Variants in SNX19 observed in about 807,000 individuals in gnomAD.
SNX19 encodes sorting nexin-19.
SNX19 carries 60 observed loss-of-function variants against 85.2 expected under a neutral mutation model. The observed-to-expected ratio is 0.70, with a 90% CI of 0.57 to 0.87. The LOEUF (loss-of-function observed/expected upper bound fraction) is 0.87, where lower values mean the gene tolerates loss of function less well. Ranked by LOEUF, SNX19 falls within the 40% of genes least tolerant of loss-of-function variation. The pLI, the probability that SNX19 is intolerant of heterozygous loss-of-function variation, is 0.00. For synonymous variants in SNX19, 520 were observed against 470.0 expected (o/e 1.11, Z -1.38); for missense variants, 1,201 against 1,217.8 (o/e 0.99, Z 0.21).
At chr11:130,911,969 G>T (rs975557810) in intron 1 of SNX19, among the ~76,000 whole-genome samples, 198 bp from the exon 2 acceptor site, 5 of 151,704 alleles carry the variant, frequency 3.3e-5, no homozygotes, top group Non-Finnish European at 5.9e-5. Flanking sequence ...TCACTCCTCC[G>T]CACTACTACT....
intron 1 of SNX19, among the ~76,000 whole-genome samples, chr11:130,912,871 T>C (rs1946246337): frequency 6.6e-6 from 1 of 152,208 alleles, no homozygotes; most frequent in African/African-American, 2.4e-5. Flanking sequence ...TTCCATCACA[T>C]AAACCGAAAA....
chr11:130,915,252 C>T lies in SNX19; in HGVS notation c.688G>A (p.Glu230Lys). ...LQGLVPKPHLETRTGRHVVVE... is the reference protein window; with the variant it reads ...LQGLVPKPHLKTRTGRHVVVE... The stretch of plus-strand genomic sequence containing the variant: ...ACTACATGGCGTCCGGTACGAGTCT[C>T]CAAGTGGGGCTTGGGCACCAGCCCT... The change falls in exon 1 of 11, where the codon GAG becomes AAG. Residue 230 changes from glutamate to lysine, a missense_variant. By Grantham distance (56) the Glu-to-Lys change is moderately conservative (BLOSUM62 1). This residue lies in a region of SNX19 where 791 missense variants were observed against 750.9 expected (regional missense o/e 1.05). Coordinates refer to ENST00000265909, the MANE Select transcript of SNX19 (RefSeq NM_014758.3). The T allele has an allele frequency of 6.2e-7, 1 of 1,614,242 alleles. No individual in the cohort carries two copies. Among genetic ancestry groups the T allele is most frequent in the Non-Finnish European group, 8.5e-7 (1 of 1,180,054 alleles).
chr11:130,907,836 G>T, intron 5 of SNX19, 117 bp downstream of exon 5: 5 of 1,470,396 alleles, frequency 3.4e-6, no homozygotes, highest in Non-Finnish European at 4.6e-6. Flanking sequence ...CTAAAAACTG[G>T]TATGTCTGAC....
intron 7 of SNX19, 98 bp from the exon 8 acceptor site, chr11:130,903,482 T>G (rs1338341259): frequency 3.0e-6 from 4 of 1,342,012 alleles, no homozygotes; most frequent in Non-Finnish European, 2.0e-6. Flanking sequence ...TCTACCTTCA[T>G]GCCAATCATC....
Position 130,915,491 on chromosome 11 carries a change from T to C in SNX19, c.449A>G (p.Asp150Gly), listed in dbSNP as rs61736692. 9.7e-4 allele frequency: 1,558 copies of C among 1,614,086 alleles called. 15 individuals are homozygous for C. Among genetic ancestry groups the C allele is most frequent in the Middle Eastern group, 4.9e-4 (3 of 6,064 alleles). The change falls in exon 1 of 11, where the codon GAC becomes GGC. Residue 150 changes from aspartate (D) to glycine (G), a missense_variant. Asp to Gly is a moderately conservative substitution (Grantham distance 94, BLOSUM62 -1). This residue lies in a region of SNX19 where 791 missense variants were observed against 750.9 expected (regional missense o/e 1.05). Coordinates refer to ENST00000265909, the MANE Select transcript of SNX19 (RefSeq NM_014758.3). ...AACACTCTGGGCAACAGCATGACTG[T>C]CCATCACGCTCATCCTTCTCCGAAG... ...QELRRRMSVM[D>G]SHAVAQSVLT...
chr11:130,914,345 T>C lies in SNX19; in HGVS notation c.1595A>G (p.Asn532Ser), dbSNP rs1170908291. The C allele has an allele frequency of 7.4e-6, 12 of 1,613,250 alleles. No individual in the cohort carries two copies. In the Admixed American group the frequency reaches 1.7e-4, roughly 22 times the overall value. Residue 532 changes from asparagine (N) to serine (S), a missense_variant, in exon 1 of 11, where the codon AAC becomes AGC. Coordinates refer to ENST00000265909, the MANE Select transcript of SNX19 (RefSeq NM_014758.3). ...TGTAATGGTGCCAGTGATACGAAGG[T>C]TCTGGATGATAACTGGACCATCGGG... ...SSPDGPVIIQ[N>S]LRITGTITAR...
At position 130,910,348 on chromosome 11, in the gene SNX19, G is replaced by C; in HGVS notation, c.1836C>G (p.Leu612=). ...TGTTTCCCAATGGAAGATCTGGAAAGAGCTTTTTAGGACCCTTCACATCTT... is the reference window on the plus strand; with the variant it reads ...TGTTTCCCAATGGAAGATCTGGAAACAGCTTTTTAGGACCCTTCACATCTT... ...FIKNVKGPKK[L]FPDLPLGNMD... The change falls in exon 3 of 11, where the codon CTC becomes CTG. Residue 612 remains leucine, a synonymous_variant. Coordinates refer to ENST00000265909, the MANE Select transcript of SNX19 (RefSeq NM_014758.3). 1 of 1,606,984 alleles carries C rather than the reference G, an allele frequency of 6.2e-7. No homozygotes were observed. The highest frequency in any genetic ancestry group is 1.1e-5 in the South Asian group (1 of 90,274).
In SNX19 at chr11:130,868,937, G is replaced by A. The variant is rs1019915505; in HGVS notation, c.*9485C>T. The A allele has an allele frequency of 3.9e-5, 6 of 152,210 alleles. No individual in the cohort carries two copies. The highest frequency in any genetic ancestry group is 7.3e-5 in the Non-Finnish European group (5 of 68,046). The allele number at this position is 152,210 out of a possible 1,614,324, so 9.4% of individuals were successfully genotyped here. ...TCACTGCCACAAGAAGGTTGCCAACGTCATTTATGGATCAGCAACTGCTTG... is the reference window on the plus strand; with the variant it reads ...TCACTGCCACAAGAAGGTTGCCAACATCATTTATGGATCAGCAACTGCTTG... On this transcript the variant is annotated 3_prime_UTR_variant, in exon 11 of 11. Coordinates refer to ENST00000265909, the MANE Select transcript of SNX19 (RefSeq NM_014758.3).
chr11:130,885,004 C>T (rs564731323), intron 8 of SNX19, among the ~76,000 whole-genome samples: 88 of 152,168 alleles, frequency 5.8e-4, no homozygotes, highest in African/African-American at 2.1e-3. Context: ...TCAGATAGCA[C>T]TGGTTTTATT....
chr11:130,915,574 G>A lies in SNX19; in HGVS notation c.366C>T (p.Ser122=). The A allele has an allele frequency of 6.2e-7, 1 of 1,614,204 alleles. No homozygotes were observed. Among genetic ancestry groups the A allele is most frequent in the South Asian group, 1.1e-5 (1 of 91,088 alleles). Residue 122 remains serine, a synonymous_variant, in exon 1 of 11, where the codon AGC becomes AGT. Transcript: ENST00000265909. ...DFVLSWYRSV[S]QEPAFEEEME... The stretch of plus-strand genomic sequence containing the variant: ...TTTCTTCCTCAAAGGCTGGCTCCTG[G>A]CTCACGGAACGGTACCAAGATAACA...
intron 7 of SNX19, among the ~76,000 whole-genome samples, chr11:130,904,482 TG>T (rs1945501466): frequency 6.6e-6 from 1 of 152,174 alleles, no homozygotes; most frequent in African/African-American, 2.4e-5. Flanking sequence ...GGAGCTGATA[TG>T]TTGTGTGATT....
In SNX19 at chr11:130,906,064, G is replaced by GC; in HGVS notation, c.2331dup (p.Gln778AlafsTer11). On this transcript the variant is annotated frameshift_variant, in exon 7 of 11. Transcript: ENST00000265909. LOFTEE classifies it high-confidence loss of function. ...TCTTTTTCTGGGGCTTTTGTTGGCT[G>GC]CATTTCCAGTAACTTTGTCTGTTTT... 1.2e-6 allele frequency: 2 copies of GC among 1,614,164 alleles called. No individual in the cohort carries two copies. Among genetic ancestry groups the GC allele is most frequent in the Non-Finnish European group, 8.5e-7 (1 of 1,180,038 alleles).
In SNX19 at chr11:130,877,101, G is replaced by T. The variant is rs922335434; in HGVS notation, c.*1321C>A. On this transcript the variant is annotated 3_prime_UTR_variant, in exon 11 of 11. Coordinates refer to ENST00000265909, the MANE Select transcript of SNX19 (RefSeq NM_014758.3). The stretch of plus-strand genomic sequence containing the variant: ...CAGTCTAACTCCAAGACCTTCCTCC[G>T]AGTGGTAGGCTCTGGTAATTCAGCG... The T allele has an allele frequency of 1.3e-5, 2 of 152,226 alleles. No individual in the cohort carries two copies. Among genetic ancestry groups the T allele is most frequent in the East Asian group, 1.9e-4 (1 of 5,196 alleles). The allele number at this position is 152,226 out of a possible 1,614,324, so 9.4% of individuals were successfully genotyped here.
chr11:130,889,200 A>G (rs1179215783), intron 8 of SNX19, among the ~76,000 whole-genome samples: 1 of 152,070 alleles, frequency 6.6e-6, no homozygotes, highest in Non-Finnish European at 1.5e-5. Context: ...TTCTATTACT[A>G]CTATTTTTGC....
chr11:130,895,241 G>T (rs1944798245), intron 8 of SNX19: 1 of 985,298 alleles, frequency 1.0e-6, no homozygotes, highest in African/African-American at 1.7e-5. Flanking sequence ...ATGGCTCTGG[G>T]AATCAGAATT....
rs1364689703 is a variant in SNX19, at chr11:130,872,226, G to A, written c.*6196C>T. Among the ~76,000 whole-genome samples, 1 of 152,158 alleles carries A rather than the reference G, an allele frequency of 6.6e-6. No individual in the cohort carries two copies. The highest frequency in any genetic ancestry group is 1.5e-5 in the Non-Finnish European group (1 of 68,024). On this transcript the variant is annotated 3_prime_UTR_variant, in exon 11 of 11. Coordinates refer to ENST00000265909, the MANE Select transcript of SNX19 (RefSeq NM_014758.3). The stretch of plus-strand genomic sequence containing the variant: ...GCCTCCAAGAAAGCAGAGTTAAAAT[G>A]GACTTTCAGACCAGAGACAGGTGAG...
At chr11:130,905,790 C>A (rs748746372) in intron 7 of SNX19, 163 bp downstream of exon 7, 23 of 1,539,372 alleles carry the variant, frequency 1.5e-5, no homozygotes, top group Non-Finnish European at 2.0e-5. Flanking sequence ...ATGTACTACT[C>A]ATCTCTGTGC....
At chr11:130,889,211 A>G (rs1008224134) in intron 8 of SNX19, among the ~76,000 whole-genome samples, 1 of 152,006 alleles carries the variant, frequency 6.6e-6, no homozygotes, top group African/African-American at 2.4e-5. Flanking sequence ...CTATTTTTGC[A>G]TTGTTCAGTA....
In SNX19 at chr11:130,915,301, A is replaced by G; in HGVS notation, c.639T>C (p.Arg213=). 6.2e-7 allele frequency: 1 copy of G among 1,614,190 alleles called. No homozygotes were observed. The highest frequency in any genetic ancestry group is 8.5e-7 in the Non-Finnish European group (1 of 1,180,030). The change falls in exon 1 of 11, where the codon CGT becomes CGC. Residue 213 remains arginine (R), a synonymous_variant. Coordinates refer to ENST00000265909, the MANE Select transcript of SNX19 (RefSeq NM_014758.3). ...HSPSAEVTYT[R]GVVNLLLQGL... ...CTTGAAGCAACAAATTCACAACGCC[A>G]CGCGTATAGGTGACTTCAGCACTGG...
Sources: gnomAD v4.1 joint callset for allele counts (sites outside exome capture counted in the v4.1 genomes callset) on GRCh38, gnomAD v4.1.1 for gene constraint, gnomAD v4.1.1 regional missense constraint, MANE v1.5 for transcripts, NCBI Gene and HGNC (gene_info 2026-07-23, HGNC 2026-07-21) for gene names.